Variants in ENOPH1 observed in about 807,000 individuals in gnomAD.
ENOPH1 encodes the protein enolase-phosphatase E1.
Under a neutral mutation model 31.1 loss-of-function variants are expected in ENOPH1, and 14 were observed. The observed-to-expected ratio is 0.45, with a 90% confidence interval of 0.30 to 0.70. The LOEUF is 0.70. ENOPH1 is among the 30% of genes least tolerant of loss of function. The pLI is 0.09. For synonymous variants in ENOPH1, 127 were observed against 123.2 expected, an observed-to-expected ratio of 1.03 and a Z score of -0.21; for missense variants, 243 against 321.5, an observed-to-expected ratio of 0.76 and a Z score of 1.87.
intron 3 of ENOPH1, among the ~76,000 whole-genome samples, chr4:82,454,028 A>T (rs1045856556): frequency 1.4e-5 from 2 of 146,862 alleles, no homozygotes; most frequent in African/African-American, 5.1e-5. Context: ...TGACATGGCA[A>T]AGCACCATCT....
chr4:82,453,102 C>G (rs956040068), intron 3 of ENOPH1, among the ~76,000 whole-genome samples: 14 of 151,686 alleles, frequency 9.2e-5, no homozygotes, highest in African/African-American at 3.4e-4. Context: ...AGTGTTTCAC[C>G]GTGTTAGCCA....
At chr4:82,434,168 C>T (rs1377499847) in intron 1 of ENOPH1, among the ~76,000 whole-genome samples, 1 of 152,206 alleles carries the variant, frequency 6.6e-6, no homozygotes, top group Non-Finnish European at 1.5e-5. Flanking sequence ...CATTACTGCA[C>T]TCAGCCTTGG....
chr4:82,443,308 C>A (rs928114386), intron 1 of ENOPH1, among the ~76,000 whole-genome samples: 3 of 151,832 alleles, frequency 2.0e-5, no homozygotes, highest in African/African-American at 7.3e-5. Flanking sequence ...TATGGTGGCT[C>A]ACGCCTGTAG....
In ENOPH1 at chr4:82,460,096, A is replaced by G. The variant is rs1450460050; in HGVS notation, c.762A>G (p.Glu254=). 1 of 1,614,220 alleles carries G rather than the reference A, an allele frequency of 6.2e-7. No homozygotes were observed. Among genetic ancestry groups the G allele is most frequent in the Admixed American group, 1.7e-5 (1 of 60,024 alleles). Reference sequence around the variant, plus strand: ...ACAGCCTCATCACATCCTTCAGTGAACTATACCTGCCTTCCTCAACCTAGA... The same window carrying G: ...ACAGCCTCATCACATCCTTCAGTGAGCTATACCTGCCTTCCTCAACCTAGA... The part of the protein sequence containing the change: ...TYYSLITSFS[E]LYLPSST Residue 254 remains glutamate (E), a synonymous_variant, in exon 6 of 6, where the codon GAA becomes GAG. Coordinates refer to ENST00000273920, the MANE Select transcript of ENOPH1 (RefSeq NM_021204.5).
chr4:82,446,541 A>G (rs1198854885), intron 1 of ENOPH1, among the ~76,000 whole-genome samples: 3 of 152,182 alleles, frequency 2.0e-5, no homozygotes, highest in Non-Finnish European at 2.9e-5. Context: ...ACTGTGGCTC[A>G]GGAGCATAAG....
intron 3 of ENOPH1, 59 bp from the exon 4 acceptor site, chr4:82,454,663 G>C: frequency 6.4e-7 from 1 of 1,565,828 alleles, no homozygotes; most frequent in Non-Finnish European, 8.6e-7. Flanking sequence ...TGTTTTGACA[G>C]GTTTTTATCT....
chr4:82,431,365 C>T (rs1246939558), intron 1 of ENOPH1, among the ~76,000 whole-genome samples: 1 of 152,232 alleles, frequency 6.6e-6, no homozygotes, highest in Non-Finnish European at 1.5e-5. Context: ...GTCAAGATGA[C>T]TTTTCAGGTG....
chr4:82,434,311 C>T (rs1008488606), intron 1 of ENOPH1, among the ~76,000 whole-genome samples: 2 of 152,104 alleles, frequency 1.3e-5, no homozygotes, highest in East Asian at 1.9e-4. Flanking sequence ...AAGCCAGGTA[C>T]GGTGGCTCAG....
At chr4:82,459,441 G>A (rs1002393774) in intron 5 of ENOPH1, among the ~76,000 whole-genome samples, 3 of 152,190 alleles carry the variant, frequency 2.0e-5, no homozygotes, top group Admixed American at 1.3e-4. Flanking sequence ...ACAGGCACAC[G>A]CCACCACGCC....
chr4:82,441,506 T>C (rs542271144), intron 1 of ENOPH1, among the ~76,000 whole-genome samples: 65 of 152,062 alleles, frequency 4.3e-4, no homozygotes, highest in East Asian at 2.1e-3. Context: ...TGGTGGCGGG[T>C]GCCTGTAGTC....
Position 82,448,003 on chromosome 4 carries a change from C to CG in ENOPH1, c.168_169insG (p.Ser57GlufsTer8). 4 of 1,611,698 alleles carry CG rather than the reference C, an allele frequency of 2.5e-6. No individual in the cohort carries two copies. Among genetic ancestry groups the CG allele is most frequent in the Non-Finnish European group, 2.5e-6 (3 of 1,178,354 alleles). ...AAGAAGAGGAGTGCCAGCAGGATGT[C>CG]AGTCTTTTGAGGAAACAGGTTGGGA... On this transcript the variant is annotated frameshift_variant, in exon 2 of 6. Coordinates refer to ENST00000273920, the MANE Select transcript of ENOPH1 (RefSeq NM_021204.5). LOFTEE classifies it high-confidence loss of function.
intron 2 of ENOPH1, among the ~76,000 whole-genome samples, chr4:82,448,868 C>T (rs1722267341): frequency 6.6e-6 from 1 of 150,892 alleles, no homozygotes; most frequent in Admixed American, 6.6e-5. Context: ...ACCATCTCGG[C>T]TAAAACGGTG....
intron 1 of ENOPH1, among the ~76,000 whole-genome samples, chr4:82,432,787 G>A (rs1023490766): frequency 1.3e-5 from 2 of 151,924 alleles, no homozygotes. Context: ...TTACAGACGC[G>A]CACCACCACG....
intron 1 of ENOPH1, among the ~76,000 whole-genome samples, chr4:82,435,077 A>G (rs1171002682): frequency 4.6e-5 from 7 of 152,124 alleles, no homozygotes; most frequent in African/African-American, 1.7e-4. Flanking sequence ...TTACCGCAGG[A>G]CACATACCTC....
At chr4:82,459,900 T>C (rs1722600993) in intron 5 of ENOPH1, 81 bp from the exon 6 acceptor site, 7 of 1,503,980 alleles carry the variant, frequency 4.7e-6, no homozygotes, top group Non-Finnish European at 5.5e-6. Context: ...CATCCCCACA[T>C]CCCCCTGCTG....
chr4:82,450,892 G>A, intron 2 of ENOPH1, 151 bp from the exon 3 acceptor site: 3 of 605,420 alleles, frequency 5.0e-6, no homozygotes, highest in East Asian at 2.8e-5. Flanking sequence ...GGAATCATTT[G>A]TATCAGCTCC....
Position 82,435,069 on chromosome 4 carries a change from A to C in ENOPH1, c.84+4156A>C, listed in dbSNP as rs914895264. On this transcript the variant is annotated intron_variant, in intron 1 of 5. Transcript: ENST00000273920. ...TCCACCGCCACCATCCCTGCACTTT[A>C]CCGCAGGACACATACCTCTGGTGTT... Among the ~76,000 whole-genome samples the C allele has an allele frequency of 3.3e-5, 5 of 152,124 alleles. No individual in the cohort carries two copies. The East Asian group carries it at 9.6e-4, about 29-fold the overall frequency.
intron 1 of ENOPH1, among the ~76,000 whole-genome samples, chr4:82,441,418 C>T (rs572421884): frequency 1.5e-4 from 23 of 152,154 alleles, no homozygotes; most frequent in African/African-American, 3.9e-4. Flanking sequence ...GTCAGGAGAT[C>T]GAGACCATCC....
intron 3 of ENOPH1, among the ~76,000 whole-genome samples, chr4:82,454,074 G>A (rs910209843): frequency 4.6e-5 from 7 of 151,624 alleles, no homozygotes; most frequent in African/African-American, 9.7e-5. Context: ...AAAAGCTGGG[G>A]GTGGTAGCAC....
Sources: gnomAD v4.1 joint callset for allele counts (sites outside exome capture counted in the v4.1 genomes callset) on GRCh38, gnomAD v4.1.1 for gene constraint, MANE v1.5 for transcripts, NCBI Gene and HGNC (gene_info 2026-07-23, HGNC 2026-07-21) for gene names.